Variants in VSIR observed in about 807,000 individuals in gnomAD.
The protein encoded by VSIR is V-set immunoregulatory receptor, also known as V-type immunoglobulin domain-containing suppressor of T-cell activation.
In VSIR, 10 loss-of-function variants were observed where a neutral mutation model predicts 31.0. The ratio of observed to expected loss-of-function variants is 0.32; its 90% CI spans 0.20 to 0.55. The LOEUF is 0.55. Among genes scored for constraint, VSIR ranks in the 20% least tolerant of loss-of-function variants. VSIR has a pLI of 0.93. For missense variants in VSIR, 356 were observed against 416.2 expected, an observed-to-expected ratio of 0.86 and a Z score of 1.26; for synonymous variants, 179 against 180.1, an observed-to-expected ratio of 0.99 and a Z score of 0.05.
intron 1 of VSIR, among the ~76,000 whole-genome samples, chr10:71,773,124 C>T (rs1302253887): frequency 6.6e-6 from 1 of 152,222 alleles, no homozygotes; most frequent in Non-Finnish European, 1.5e-5. Context: ...CCCTGCCTGC[C>T]ACTTGGGCAG....
At chr10:71,768,547 C>A (rs1464841275) in intron 1 of VSIR, among the ~76,000 whole-genome samples, 1 of 151,894 alleles carries the variant, frequency 6.6e-6, no homozygotes, top group Non-Finnish European at 1.5e-5. Flanking sequence ...GAGATCATAG[C>A]CCACTGTAAC....
intron 4 of VSIR, chr10:71,755,011 C>T (rs1350541528): frequency 6.3e-6 from 3 of 477,400 alleles, no homozygotes; most frequent in African/African-American, 5.9e-5. Context: ...CAAGCACGCC[C>T]ATACCTTAAA....
At chr10:71,760,741 A>G in intron 3 of VSIR, 127 bp downstream of exon 3, 1 of 824,104 alleles carries the variant, frequency 1.2e-6, no homozygotes, top group East Asian at 2.4e-5. Flanking sequence ...AGCAGCAGAA[A>G]AGGAGGAGGA....
intron 3 of VSIR, among the ~76,000 whole-genome samples, chr10:71,759,854 C>CACACATATAT (rs1840262133): frequency 3.7e-5 from 4 of 109,202 alleles, no homozygotes; most frequent in Admixed American, 2.0e-4. Flanking sequence ...CACATATACA[C>CACACATATAT]ACACACACAC....
intron 1 of VSIR, among the ~76,000 whole-genome samples, chr10:71,769,059 C>T (rs1012743403): frequency 2.0e-5 from 3 of 152,180 alleles, no homozygotes; most frequent in African/African-American, 7.2e-5. Flanking sequence ...AATGTCATGA[C>T]CAATGAAAGC....
At chr10:71,773,324 CT>C in intron 1 of VSIR, 33 bp downstream of exon 1, 3 of 1,574,766 alleles carry the variant, frequency 1.9e-6, no homozygotes, top group Non-Finnish European at 1.7e-6. Flanking sequence ...CTTCTCCCAG[CT>C]TTTTCCCAGC....
At chr10:71,759,809 T>G (rs2132880720) in intron 3 of VSIR, among the ~76,000 whole-genome samples, 1 of 94,096 alleles carries the variant, frequency 1.1e-5, no homozygotes, top group Non-Finnish European at 2.0e-5. Flanking sequence ...GAAACCGTGT[T>G]TCAGAAAATA....
At chr10:71,759,846 C>CACACACACACACACACACACACAT (rs776230069) in intron 3 of VSIR, among the ~76,000 whole-genome samples, 1 of 59,932 alleles carries the variant, frequency 1.7e-5, no homozygotes, top group Non-Finnish European at 3.4e-5. Context: ...CACACACACA[C>CACACACACACACACACACACACAT]ATATACACAC....
At position 71,760,279 on chromosome 10, in the gene VSIR, A is replaced by ATGTATATATG. The variant is rs1358068817; in HGVS notation, c.568+579_568+588dup. On this transcript the variant is annotated intron_variant, in intron 3 of 6. Transcript: ENST00000394957. ...TATATATGTATATACATATATATGT[A>ATGTATATATG]TGTATATATGTGTATATATATGTAT... Among the ~76,000 whole-genome samples the ATGTATATATG allele has an allele frequency of 7.1e-5, 8 of 112,744 alleles. 1 individual carries two copies. Among genetic ancestry groups the ATGTATATATG allele is most frequent in the Admixed American group, 2.0e-4 (2 of 10,224 alleles). 74.0% of individuals were successfully genotyped at this position (112,744 alleles called of 152,430 possible). A position where few individuals can be genotyped will look rare whatever the true frequency, so the allele number is the denominator to read the frequency against.
At chr10:71,755,241 T>C in intron 4 of VSIR, 118 bp downstream of exon 4, 1 of 963,148 alleles carries the variant, frequency 1.0e-6, no homozygotes, top group Non-Finnish European at 1.6e-6. Context: ...TGCTCCCAAC[T>C]CTCAAATGAA....
At chr10:71,760,729 G>T in intron 3 of VSIR, 139 bp downstream of exon 3, 1 of 760,872 alleles carries the variant, frequency 1.3e-6, no homozygotes, top group Non-Finnish European at 2.3e-6. Flanking sequence ...GAAGGGATGT[G>T]CAGCAGCAGA....
chr10:71,753,099 G>T, intron 4 of VSIR, 97 bp from the exon 5 acceptor site: 1 of 1,462,452 alleles, frequency 6.8e-7, no homozygotes, highest in South Asian at 1.2e-5. Context: ...GGGAACAGGA[G>T]CGAGCCCAGG....
At chr10:71,754,256 G>A (rs1410642788) in intron 4 of VSIR, among the ~76,000 whole-genome samples, 2 of 152,144 alleles carry the variant, frequency 1.3e-5, no homozygotes, top group African/African-American at 4.8e-5. Flanking sequence ...TTCTAGGAGA[G>A]GAATAGGGGA....
At chr10:71,769,771 G>T (rs1046731011) in intron 1 of VSIR, among the ~76,000 whole-genome samples, 32 of 152,210 alleles carry the variant, frequency 2.1e-4, no homozygotes, top group Non-Finnish European at 4.4e-5. Context: ...TGCTTGGCTT[G>T]GTAAGTAGCA....
Position 71,750,381 on chromosome 10 carries a change from C to A in VSIR, c.*872G>T, listed in dbSNP as rs1839964076. ...ATACTCAGAAGTGTCCCAGGGTGGA[C>A]AAGACATTGTGTGGCACCCTTGCAA... On this transcript the variant is annotated 3_prime_UTR_variant, in exon 7 of 7. Transcript: ENST00000394957. 1 of 146,440 alleles carries A rather than the reference C, an allele frequency of 6.8e-6. No individual in the cohort carries two copies. Among genetic ancestry groups the A allele is most frequent in the South Asian group, 2.3e-4 (1 of 4,372 alleles). The allele number at this position is 146,440 out of a possible 1,614,324, so 9.1% of individuals were successfully genotyped here. A position where few individuals can be genotyped will look rare whatever the true frequency, so the allele number is the denominator to read the frequency against.
intron 1 of VSIR, among the ~76,000 whole-genome samples, chr10:71,766,535 C>G (rs6480554): frequency 0.23 from 34,784 of 152,180 alleles, 4,105 homozygotes; most frequent in Non-Finnish European, 0.26. Context: ...CAGATCCCAC[C>G]CTTCTCTGAG....
rs1413554839 is a variant in VSIR at position 71,773,499 on chromosome 10, C to G, written c.-60G>C. 1.3e-6 allele frequency: 2 copies of G among 1,504,244 alleles called. No homozygotes were observed. The highest frequency in any genetic ancestry group is 4.9e-5 in the East Asian group (2 of 40,736). 93.2% of individuals were successfully genotyped at this position (1,504,244 alleles called of 1,614,324 possible). A position where few individuals can be genotyped will look rare whatever the true frequency, so the allele number is the denominator to read the frequency against. On this transcript the variant is annotated 5_prime_UTR_variant, in exon 1 of 7. Transcript: ENST00000394957. ...CGGGGAGCGGGCGGGACGCGGCCGG[C>G]GCGGGGAAGCCTCCCGCGACTGAGT...
intron 1 of VSIR, among the ~76,000 whole-genome samples, chr10:71,766,933 G>A (rs1282968313): frequency 6.6e-6 from 1 of 152,210 alleles, no homozygotes; most frequent in African/African-American, 2.4e-5. Context: ...CGCCCTCCGT[G>A]CAACATTCCT....
intron 3 of VSIR, chr10:71,760,663 C>G: frequency 1.7e-6 from 1 of 587,518 alleles, no homozygotes; most frequent in African/African-American, 1.9e-5. Context: ...GGAGCAGAGA[C>G]TCCAGAGCAG....
Sources: gnomAD v4.1 joint callset for allele counts (sites outside exome capture counted in the v4.1 genomes callset) on GRCh38, gnomAD v4.1.1 for gene constraint, MANE v1.5 for transcripts, NCBI Gene and HGNC (gene_info 2026-07-23, HGNC 2026-07-21) for gene names.